The following RBFOX1 variants were observed in gnomAD, a reference collection of about 807,000 sequenced individuals.
The protein encoded by RBFOX1 is RNA binding protein fox-1 homolog 1.
A neutral mutation model predicts 57.7 loss-of-function variants in RBFOX1; 8 were observed. The observed-to-expected ratio is 0.14, with a 90% CI of 0.08 to 0.25. The LOEUF (loss-of-function observed/expected upper bound fraction) is 0.25. Among genes scored for constraint, RBFOX1 ranks in the 10% least tolerant of loss-of-function variants. The pLI is 1.00. For missense variants in RBFOX1, 611 were observed against 548.5 expected (o/e 1.11, Z -1.14); for synonymous variants, 326 against 222.4 (o/e 1.47, Z -4.15).
chr16:6,976,283 A>G (rs2086824118), intron 3 of RBFOX1, among the ~76,000 whole-genome samples: 1 of 152,204 alleles, frequency 6.6e-6, no homozygotes, highest in Non-Finnish European at 1.5e-5. Flanking sequence ...ACTGAGAACA[A>G]GAATTTGAAC....
At chr16:7,694,659 T>C (rs1397546607) in intron 14 of RBFOX1, among the ~76,000 whole-genome samples, 1 of 152,222 alleles carries the variant, frequency 6.6e-6, no homozygotes, top group African/African-American at 2.4e-5. Context: ...GGCGACATCC[T>C]TAACACTTTA....
intron 2 of RBFOX1, among the ~76,000 whole-genome samples, chr16:5,468,109 C>T (rs943357427): frequency 3.2e-4 from 49 of 152,232 alleles, no homozygotes; most frequent in African/African-American, 9.4e-4. Context: ...TACTGTCCAC[C>T]CTTCCCCAGG....
At position 7,169,975 on chromosome 16, in the gene RBFOX1, A is replaced by G. The variant is rs555153764; in HGVS notation, c.27+117877A>G. 1.3e-4 allele frequency among the ~76,000 whole-genome samples: 20 copies of G among 152,228 alleles called. No individual in the cohort carries two copies. In the South Asian group the frequency reaches 3.7e-3, roughly 28 times the overall value. The stretch of plus-strand genomic sequence containing the variant: ...GTGGTCCCAGCTACTTGGGAGGATC[A>G]GGTAGGAGGATCACTTGAGCCTGGG... On this transcript the variant is annotated intron_variant, in intron 4 of 15. Coordinates refer to ENST00000550418, the MANE Select transcript of RBFOX1 (RefSeq NM_018723.4).
At chr16:7,529,056 C>T (rs2079353248) in intron 5 of RBFOX1, among the ~76,000 whole-genome samples, 1 of 152,140 alleles carries the variant, frequency 6.6e-6, no homozygotes, top group Non-Finnish European at 1.5e-5. Flanking sequence ...GCCAGTGATT[C>T]AAGACCAGCC....
intron 1 of RBFOX1, among the ~76,000 whole-genome samples, chr16:6,271,237 A>T (rs868808736): frequency 2.0e-5 from 3 of 152,176 alleles, no homozygotes; most frequent in East Asian, 3.9e-4. Flanking sequence ...CAGTCTGGCC[A>T]ACATGGTGAA....
At chr16:6,018,579 G>T (rs1460008369), upstream of RBFOX1, among the ~76,000 whole-genome samples, 2 of 152,116 alleles carry the variant, frequency 1.3e-5, no homozygotes, top group Non-Finnish European at 2.9e-5. Context: ...TCCCAGGCCA[G>T]CCGCACCCAC....
chr16:6,303,362 T>C (rs1442070247), intron 1 of RBFOX1, among the ~76,000 whole-genome samples: 1 of 151,984 alleles, frequency 6.6e-6, no homozygotes, highest in African/African-American at 2.4e-5. Flanking sequence ...AATCGAGGCC[T>C]ACAGAGTGGA....
intron 2 of RBFOX1, among the ~76,000 whole-genome samples, chr16:5,568,988 A>G (rs1468808358): frequency 8.0e-5 from 12 of 149,744 alleles, no homozygotes; most frequent in Non-Finnish European, 1.0e-4. Context: ...TTACAGGCAC[A>G]TGCCACCACG....
intron 3 of RBFOX1, among the ~76,000 whole-genome samples, chr16:6,935,987 A>G (rs2077304306): frequency 1.3e-5 from 2 of 152,152 alleles, no homozygotes; most frequent in Non-Finnish European, 2.9e-5. Flanking sequence ...GTGATTGCAT[A>G]TCTGGGGGCT....
chr16:5,924,483 C>T (rs530965296), intron 4 of RBFOX1, among the ~76,000 whole-genome samples: 2 of 152,186 alleles, frequency 1.3e-5, no homozygotes, highest in South Asian at 4.2e-4. Flanking sequence ...CCTTTGAGAG[C>T]TGGTTGTTAA....
At chr16:6,006,822 A>G (rs375684101) in intron 4 of RBFOX1, among the ~76,000 whole-genome samples, 4 of 152,308 alleles carry the variant, frequency 2.6e-5, no homozygotes, top group African/African-American at 9.6e-5. Context: ...GGAACCTAAG[A>G]GGATTGTAGG....
rs116880314 is a variant in RBFOX1 at position 6,443,293 on chromosome 16, C to T, written c.-64+126236C>T. 1.4e-4 allele frequency among the ~76,000 whole-genome samples: 21 copies of T among 152,218 alleles called. No homozygotes were observed. In the East Asian group the frequency reaches 1.9e-3, roughly 14 times the overall value. On this transcript the variant is annotated intron_variant, in intron 2 of 15. Transcript: ENST00000550418. Reference sequence around the variant, plus strand: ...TAGGATTCCTGCGTGCTATCTCTCACGTTCATTCTCTTTTCCCTACTACTA... The same window carrying T: ...TAGGATTCCTGCGTGCTATCTCTCATGTTCATTCTCTTTTCCCTACTACTA...
At chr16:5,944,609 G>A (rs762114871) in intron 4 of RBFOX1, among the ~76,000 whole-genome samples, 1 of 151,208 alleles carries the variant, frequency 6.6e-6, no homozygotes, top group Non-Finnish European at 1.5e-5. Flanking sequence ...TGGAGGCAAC[G>A]AGGAAATCTA....
intron 1 of RBFOX1, among the ~76,000 whole-genome samples, chr16:5,361,694 C>T (rs1418851263): frequency 6.6e-6 from 1 of 152,216 alleles, no homozygotes; most frequent in African/African-American, 2.4e-5. Flanking sequence ...GAGCAGTCAA[C>T]TGAGAAAAAC....
At chr16:5,314,048 C>T (rs1017943408) in intron 1 of RBFOX1, among the ~76,000 whole-genome samples, 4 of 152,176 alleles carry the variant, frequency 2.6e-5, no homozygotes, top group Non-Finnish European at 4.4e-5. Flanking sequence ...TAATAATGAT[C>T]GCATAATGTG....
chr16:6,306,115 T>A (rs1242139907), intron 1 of RBFOX1, among the ~76,000 whole-genome samples: 1 of 152,216 alleles, frequency 6.6e-6, no homozygotes, highest in South Asian at 2.1e-4. Context: ...AAACCCTCCA[T>A]GTCTGAGTCC....
chr16:7,664,604 C>G (rs1031265449), intron 12 of RBFOX1, among the ~76,000 whole-genome samples: 4 of 152,144 alleles, frequency 2.6e-5, no homozygotes, highest in Non-Finnish European at 5.9e-5. Context: ...ATGCTCATGT[C>G]TGTCTGGGCC....
intron 3 of RBFOX1, among the ~76,000 whole-genome samples, chr16:5,823,416 T>G (rs2055924234): frequency 6.6e-6 from 1 of 152,128 alleles, no homozygotes; most frequent in African/African-American, 2.4e-5. Flanking sequence ...GCATGTGAAG[T>G]GTTCTATTGA....
At chr16:7,364,175 G>T (rs779293512) in intron 4 of RBFOX1, among the ~76,000 whole-genome samples, 1 of 152,142 alleles carries the variant, frequency 6.6e-6, no homozygotes, top group Admixed American at 6.5e-5. Context: ...CTCAGCTTAC[G>T]TCTGACGAGC....
Sources: gnomAD v4.1 joint callset for allele counts (sites outside exome capture counted in the v4.1 genomes callset) on GRCh38, gnomAD v4.1.1 for gene constraint, MANE v1.5 for transcripts, NCBI Gene and HGNC (gene_info 2026-07-23, HGNC 2026-07-21) for gene names.